RRAS2: variants seen among roughly 807,000 people sequenced by gnomAD.
RRAS2 encodes the protein RAS related 2, also known as ras-related protein R-Ras2.
In RRAS2, 7 loss-of-function variants were observed where a neutral mutation model predicts 27.6. The observed-to-expected ratio is 0.25, with a 90% CI of 0.14 to 0.48. The LOEUF (loss-of-function observed/expected upper bound fraction) is 0.48, where lower values mean the gene tolerates loss of function less well. RRAS2 is among the 20% of genes least tolerant of loss of function. The pLI, the probability that RRAS2 is intolerant of heterozygous loss-of-function variation, is 0.99. For missense variants in RRAS2, 178 were observed against 256.2 expected (o/e 0.69, Z 2.08); for synonymous variants, 86 against 90.9 (o/e 0.95, Z 0.31).
At chr11:14,339,797 T>C (rs1373384775) in intron 1 of RRAS2, among the ~76,000 whole-genome samples, 1 of 152,200 alleles carries the variant, frequency 6.6e-6, no homozygotes, top group Non-Finnish European at 1.5e-5. Flanking sequence ...TATAATCATA[T>C]ACATTTTATT....
chr11:14,355,350 A>C (rs1356192273), intron 1 of RRAS2, among the ~76,000 whole-genome samples: 1 of 152,104 alleles, frequency 6.6e-6, no homozygotes, highest in Non-Finnish European at 1.5e-5. Context: ...TACCATCCTG[A>C]AGTCATTTCC....
chr11:14,293,670 G>A (rs532867804), intron 4 of RRAS2, among the ~76,000 whole-genome samples: 9 of 152,136 alleles, frequency 5.9e-5, no homozygotes, highest in East Asian at 1.9e-4. Flanking sequence ...TTCGCCTTCC[G>A]CCATGACTGT....
chr11:14,303,889 G>A (rs1196730926), intron 1 of RRAS2, among the ~76,000 whole-genome samples: 1 of 152,092 alleles, frequency 6.6e-6, no homozygotes, highest in Non-Finnish European at 1.5e-5. Context: ...ACTTTTTCAT[G>A]AGGGCCCTCC....
chr11:14,348,414 T>C (rs1336349845), intron 1 of RRAS2, among the ~76,000 whole-genome samples: 2 of 152,208 alleles, frequency 1.3e-5, no homozygotes, highest in Non-Finnish European at 2.9e-5. Flanking sequence ...ACCCACTTAG[T>C]TTTAAGATCC....
chr11:14,317,412 T>C (rs548281447), intron 1 of RRAS2, among the ~76,000 whole-genome samples: 1 of 152,256 alleles, frequency 6.6e-6, no homozygotes, highest in East Asian at 1.9e-4. Flanking sequence ...AAACCCCATC[T>C]TTACTAAAAA....
chr11:14,327,925 G>C (rs1554951262), intron 1 of RRAS2, among the ~76,000 whole-genome samples: 1 of 152,062 alleles, frequency 6.6e-6, no homozygotes, highest in African/African-American at 2.4e-5. Flanking sequence ...AAGCATGGAG[G>C]AAAAAACACA....
At chr11:14,341,761 T>C (rs1554953301) in intron 1 of RRAS2, 1 of 451,270 alleles carries the variant, frequency 2.2e-6, no homozygotes, top group Non-Finnish European at 4.4e-6. Flanking sequence ...TAATTAACTA[T>C]AAAATACCTC....
At chr11:14,318,137 C>A (rs1447915750) in intron 1 of RRAS2, among the ~76,000 whole-genome samples, 1 of 152,094 alleles carries the variant, frequency 6.6e-6, no homozygotes, top group Non-Finnish European at 1.5e-5. Flanking sequence ...TATGTGTAAA[C>A]CCTAGAGAAA....
chr11:14,350,783 C>T (rs533115126), intron 1 of RRAS2, among the ~76,000 whole-genome samples: 2 of 152,150 alleles, frequency 1.3e-5, no homozygotes, highest in South Asian at 2.1e-4. Context: ...TGTCCTGAGC[C>T]GCATGCCACT....
At chr11:14,360,474 C>T (rs1554956086), upstream of RRAS2, among the ~76,000 whole-genome samples, 2 of 152,146 alleles carry the variant, frequency 1.3e-5, no homozygotes, top group Non-Finnish European at 2.9e-5. Flanking sequence ...AATCATGGCC[C>T]ACTGCAACCT....
At chr11:14,356,668 T>C (rs1323939304) in intron 1 of RRAS2, 8 of 412,122 alleles carry the variant, frequency 1.9e-5, no homozygotes. Flanking sequence ...TGTACACATA[T>C]GTCTTCCTCA....
At chr11:14,316,642 T>G (rs1011262534) in intron 1 of RRAS2, among the ~76,000 whole-genome samples, 1 of 151,996 alleles carries the variant, frequency 6.6e-6, no homozygotes, top group Non-Finnish European at 1.5e-5. Context: ...AATTGGGAGG[T>G]TGAAGCAGGA....
At chr11:14,297,276 T>G (rs1271570552) in intron 1 of RRAS2, among the ~76,000 whole-genome samples, 1 of 152,158 alleles carries the variant, frequency 6.6e-6, no homozygotes, top group Non-Finnish European at 1.5e-5. Context: ...GTATTTAGCC[T>G]TCTTCAGGCA....
intron 1 of RRAS2, among the ~76,000 whole-genome samples, chr11:14,328,632 GACTA>G (rs1334163298): frequency 6.6e-6 from 1 of 151,128 alleles, no homozygotes; most frequent in Non-Finnish European, 1.5e-5. Context: ...ACAAAGTAAT[GACTA>G]AAATTAATGC....
intron 5 of RRAS2, among the ~76,000 whole-genome samples, chr11:14,280,726 C>CAACAA (rs1849506413): frequency 2.1e-5 from 1 of 48,304 alleles, no homozygotes; most frequent in Admixed American, 3.3e-4. Context: ...ACTCTGTTTC[C>CAACAA]AAAAAAAAAA....
At chr11:14,306,599 C>T (rs1847835094) in intron 1 of RRAS2, among the ~76,000 whole-genome samples, 2 of 152,144 alleles carry the variant, frequency 1.3e-5, no homozygotes, top group South Asian at 4.1e-4. Flanking sequence ...ATTCCAATTC[C>T]ACATACCCAG....
At chr11:14,352,752 T>TAGAGAGAGAG (rs1364375183) in intron 1 of RRAS2, among the ~76,000 whole-genome samples, 1 of 127,110 alleles carries the variant, frequency 7.9e-6, no homozygotes, top group African/African-American at 3.0e-5. Flanking sequence ...AAAATATATA[T>TAGAGAGAGAG]ATATAGAGAG....
chr11:14,307,503 C>G (rs540882772), intron 1 of RRAS2, among the ~76,000 whole-genome samples: 14 of 136,822 alleles, frequency 1.0e-4, no homozygotes, highest in Admixed American at 9.6e-4. Context: ...ATTCTCCTGC[C>G]TCAGCCTCCC....
intron 1 of RRAS2, among the ~76,000 whole-genome samples, chr11:14,319,416 T>C (rs952952222): frequency 1.5e-5 from 2 of 130,194 alleles, no homozygotes; most frequent in African/African-American, 2.9e-5. Flanking sequence ...CGGACTGCAG[T>C]GGCGCAATCT....
Sources: allele counts gnomAD v4.1 joint callset (sites outside exome capture counted in the v4.1 genomes callset), GRCh38; gene constraint gnomAD v4.1.1; transcripts MANE v1.5; gene names NCBI Gene and HGNC (gene_info 2026-07-23, HGNC 2026-07-21).